STARD3: variants seen among roughly 807,000 people sequenced by gnomAD.
STARD3 encodes the protein StAR related lipid transfer domain containing 3.
Under a neutral mutation model 62.0 loss-of-function variants are expected in STARD3, and 39 were observed. The observed-to-expected ratio is 0.63, with a 90% CI of 0.49 to 0.82. The LOEUF is 0.82. Ranked by LOEUF, STARD3 falls within the 40% of genes least tolerant of loss-of-function variation. STARD3 has a pLI of 0.00. For synonymous variants in STARD3, 229 were observed against 242.4 expected (o/e 0.94, Z 0.51); for missense variants, 543 against 584.5 (o/e 0.93, Z 0.73).
At chr17:39,651,518 G>A (rs1013890075) in intron 1 of STARD3, among the ~76,000 whole-genome samples, 2 of 152,020 alleles carry the variant, frequency 1.3e-5, no homozygotes, top group Non-Finnish European at 2.9e-5. Context: ...AGAAGCTCAG[G>A]CCCCCACCAA....
chr17:39,654,261 G>C lies in STARD3; in HGVS notation c.219+511G>C, dbSNP rs553938128. Among the ~76,000 whole-genome samples the C allele has an allele frequency of 4.6e-5, 7 of 152,306 alleles. No homozygotes were observed. The South Asian group carries it at 1.5e-3, about 32-fold the overall frequency. On this transcript the variant is annotated intron_variant, in intron 2 of 14. Transcript: ENST00000336308. ...TGTGCTAAAACCAGACGCTAGCCAG[G>C]TGTGGTGGTGCACACCTGTTGTCCC...
Position 39,659,498 on chromosome 17 carries a change from C to T in STARD3, c.740C>T (p.Ala247Val), listed in dbSNP as rs1467204364. The T allele has an allele frequency of 1.1e-5, 18 of 1,614,036 alleles. No individual in the cohort carries two copies. Among genetic ancestry groups the T allele is most frequent in the Admixed American group, 5.0e-5 (3 of 60,006 alleles). The change falls in exon 9 of 15, where the codon GCA becomes GTA. Residue 247 changes from alanine to valine, a missense_variant. Physicochemically the swap from Ala to Val is moderately conservative, Grantham distance 64. Coordinates refer to ENST00000336308, the MANE Select transcript of STARD3 (RefSeq NM_006804.4). ...EYIRQGKEAT[A>V]VVDQILAQEE... ...ATCCGCCAGGGGAAGGAGGCCACGG[C>T]AGTGGTGGACCAGATCTTGGCCCAG... is the stretch of plus-strand genomic sequence containing the variant.
chr17:39,660,095 C>T lies in STARD3; in HGVS notation c.796-116C>T, dbSNP rs567334236. On this transcript the variant is annotated intron_variant, in intron 9 of 14. Coordinates refer to ENST00000336308, the MANE Select transcript of STARD3 (RefSeq NM_006804.4). The surrounding 1 kb of genome is among the most constrained non-coding windows in gnomAD (Gnocchi z 4.8). ...CAGCTGCTCAGGTGTCCCCAAACTC[C>T]TGGAGTTTTCCACCCTGAGCTGTTA... is the stretch of plus-strand genomic sequence containing the variant. 7.8e-6 allele frequency: 8 copies of T among 1,022,410 alleles called. No individual in the cohort carries two copies. Among genetic ancestry groups the T allele is most frequent in the South Asian group, 5.3e-5 (4 of 75,964 alleles). 63.3% of individuals were successfully genotyped at this position (1,022,410 alleles called of 1,614,324 possible). A position where few individuals can be genotyped will look rare whatever the true frequency, so the allele number is the denominator to read the frequency against.
chr17:39,661,096 C>G lies in STARD3; in HGVS notation c.1139+11C>G. 1 of 1,612,432 alleles carries G rather than the reference C, an allele frequency of 6.2e-7. No individual in the cohort carries two copies. Reference sequence around the variant, plus strand: ...GCACAAATATGTCCGGTGAGCCTCACTTTGCCTGGGGTCACCCCTGCCAGC... The same window carrying G: ...GCACAAATATGTCCGGTGAGCCTCAGTTTGCCTGGGGTCACCCCTGCCAGC... On this transcript the variant is annotated intron_variant, in intron 13 of 14. Coordinates refer to ENST00000336308, the MANE Select transcript of STARD3 (RefSeq NM_006804.4).
Position 39,662,175 on chromosome 17 carries a change from G to A in STARD3, c.1140-76G>A, listed in dbSNP as rs1187302710. The stretch of plus-strand genomic sequence containing the variant: ...CCCAGCTGGGCCAAGAATGGAGTGT[G>A]AGTGGTAGGGGCTGCGGGGGGGTGT... On this transcript the variant is annotated intron_variant, in intron 13 of 14. Coordinates refer to ENST00000336308, the MANE Select transcript of STARD3 (RefSeq NM_006804.4). The A allele has an allele frequency of 6.8e-6, 9 of 1,323,288 alleles. No individual in the cohort carries two copies. In the East Asian group the frequency reaches 7.2e-5, roughly 11 times the overall value. 82.0% of individuals were successfully genotyped at this position (1,323,288 alleles called of 1,614,324 possible).
rs892366436 is a variant in STARD3 at position 39,653,882 on chromosome 17, C to G, written c.219+132C>G. The G allele has an allele frequency of 8.1e-6, 8 of 987,902 alleles. No individual in the cohort carries two copies. In the African/African-American group the frequency reaches 9.6e-5, roughly 12 times the overall value. The allele number at this position is 987,902 out of a possible 1,614,324, so 61.2% of individuals were successfully genotyped here. Reference sequence around the variant, plus strand: ...TGGGTAAAATGAAGACTGGGAGGAACAACAGGGGTTCTCATATTCTGAATG... The same window carrying G: ...TGGGTAAAATGAAGACTGGGAGGAAGAACAGGGGTTCTCATATTCTGAATG... On this transcript the variant is annotated intron_variant, in intron 2 of 14. Transcript: ENST00000336308.
intron 13 of STARD3, 55 bp downstream of exon 13, chr17:39,661,140 G>A: frequency 6.5e-7 from 1 of 1,527,908 alleles, no homozygotes; most frequent in Non-Finnish European, 9.0e-7. Flanking sequence ...TGGGAGCATT[G>A]AGCAGTGCAG....
At position 39,659,048 on chromosome 17, in the gene STARD3, C is replaced by T; in HGVS notation, c.647-3C>T. The T allele has an allele frequency of 6.2e-7, 1 of 1,614,188 alleles. No homozygotes were observed. The highest frequency in any genetic ancestry group is 8.5e-7 in the Non-Finnish European group (1 of 1,180,020). ...CATTGTCATCTGTGCCTGTTTTCTG[C>T]AGGGTCTGACAATGAATCAGATGAA... On this transcript the variant is annotated splice_region_variant and splice_polypyrimidine_tract_variant and intron_variant, in intron 7 of 14. Coordinates refer to ENST00000336308, the MANE Select transcript of STARD3 (RefSeq NM_006804.4).
At chr17:39,657,601 C>T (rs1197586746) in intron 3 of STARD3, among the ~76,000 whole-genome samples, 174 bp from the exon 4 acceptor site, 1 of 152,094 alleles carries the variant, frequency 6.6e-6, no homozygotes, top group East Asian at 1.9e-4. Context: ...GATAAGACCC[C>T]TGTGCAAGGT....
chr17:39,647,046 A>G (rs1349424919), intron 1 of STARD3, among the ~76,000 whole-genome samples: 1 of 152,036 alleles, frequency 6.6e-6, no homozygotes, highest in East Asian at 1.9e-4. Context: ...CTAAAAATAC[A>G]TAAATAGGCA....
Position 39,660,084 on chromosome 17 carries a change from TC to T in STARD3, c.796-123del, listed in dbSNP as rs2057178201. 1 of 864,798 alleles carries T rather than the reference TC, an allele frequency of 1.2e-6. No individual in the cohort carries two copies. Among genetic ancestry groups the T allele is most frequent in the East Asian group, 2.5e-5 (1 of 40,550 alleles). 53.6% of individuals were successfully genotyped at this position (864,798 alleles called of 1,614,324 possible). On this transcript the variant is annotated intron_variant, in intron 9 of 14. Coordinates refer to ENST00000336308, the MANE Select transcript of STARD3 (RefSeq NM_006804.4). This position sits in a 1 kb window ranked among gnomAD's most constrained non-coding sequence, Gnocchi z 4.8. The stretch of plus-strand genomic sequence containing the variant: ...CTGTTTTGTAACAGCTGCTCAGGTG[TC>T]CCCAAACTCCTGGAGTTTTCCACCC...
At chr17:39,662,218 C>T (rs777293993) in intron 13 of STARD3, 33 bp from the exon 14 acceptor site, 8 of 1,601,550 alleles carry the variant, frequency 5.0e-6, no homozygotes, top group Non-Finnish European at 6.8e-6. Flanking sequence ...TCACTCTGTT[C>T]CAAAGTCCCC....
In STARD3 at chr17:39,662,841, C is replaced by A. The variant is rs749828666; in HGVS notation, c.1271C>A (p.Ala424Glu). 3.1e-6 allele frequency: 5 copies of A among 1,612,136 alleles called. No homozygotes were observed. The highest frequency in any genetic ancestry group is 1.3e-5 in the African/African-American group (1 of 74,808). The change falls in exon 15 of 15, where the codon GCG (alanine) becomes GAG (glutamate). Residue 424 changes from alanine (A) to glutamate (E), a missense_variant. Transcript: ENST00000336308. ...LPRYLIHQSLAATMFEFAFHL... is the reference protein window; with the variant it reads ...LPRYLIHQSLEATMFEFAFHL... ...CGGTACCTCATCCACCAGAGCCTCG[C>A]GGCCACCATGTTTGAATTTGCCTTT... is the stretch of plus-strand genomic sequence containing the variant.
chr17:39,662,580 C>T, intron 14 of STARD3: 1 of 629,014 alleles, frequency 1.6e-6, no homozygotes, highest in African/African-American at 1.8e-5. Context: ...GGAAGGGTGG[C>T]TGGTGGCCAG....
At position 39,663,257 on chromosome 17, in the gene STARD3, T is replaced by A; in HGVS notation, c.*349T>A. On this transcript the variant is annotated 3_prime_UTR_variant, in exon 15 of 15. Coordinates refer to ENST00000336308, the MANE Select transcript of STARD3 (RefSeq NM_006804.4). ...GGGCCCTGGGCAGGGCAGGGCAGCC[T>A]GTCACCCGTGTGAAGATGAAGGGGC... 2.5e-6 allele frequency: 1 copy of A among 399,810 alleles called. No individual in the cohort carries two copies. The highest frequency in any genetic ancestry group is 4.4e-6 in the Non-Finnish European group (1 of 227,328). The allele number at this position is 399,810 out of a possible 1,614,324, so 24.8% of individuals were successfully genotyped here.
At chr17:39,649,881 A>G (rs1279045261) in intron 1 of STARD3, among the ~76,000 whole-genome samples, 1 of 151,890 alleles carries the variant, frequency 6.6e-6, no homozygotes, top group Non-Finnish European at 1.5e-5. Flanking sequence ...AAAAAAAAAA[A>G]AAAAGATATA....
intron 1 of STARD3, among the ~76,000 whole-genome samples, chr17:39,648,224 T>G (rs569924402): frequency 6.6e-6 from 1 of 151,748 alleles, no homozygotes; most frequent in African/African-American, 2.4e-5. Context: ...GAGGCGGAGC[T>G]TGCAGTGAGC....
rs1429359215 is a variant in STARD3 at position 39,663,999 on chromosome 17, C to G, written c.*1091C>G. On this transcript the variant is annotated 3_prime_UTR_variant, in exon 15 of 15. Transcript: ENST00000336308. ...GCCACTGCCTGCCTTCCTCCTCCCT[C>G]CCGGCTGGCCTGCCCCCTTGCCTGC... 1.3e-5 allele frequency among the ~76,000 whole-genome samples: 2 copies of G among 152,192 alleles called. No individual in the cohort carries two copies. Among genetic ancestry groups the G allele is most frequent in the African/African-American group, 2.4e-5 (1 of 41,440 alleles).
At chr17:39,640,045 T>G (rs1426799859) in intron 1 of STARD3, among the ~76,000 whole-genome samples, 2 of 152,238 alleles carry the variant, frequency 1.3e-5, no homozygotes, top group African/African-American at 4.8e-5. Flanking sequence ...GAGTCCCTGA[T>G]GGACCAGAAC....
Sources: gnomAD v4.1 joint callset for allele counts (sites outside exome capture counted in the v4.1 genomes callset) on GRCh38, gnomAD v4.1.1 for gene constraint, Gnocchi (gnomAD v3.1) non-coding constraint, MANE v1.5 for transcripts, NCBI Gene and HGNC (gene_info 2026-07-23, HGNC 2026-07-21) for gene names.